Variants in SRGAP2C observed in about 807,000 individuals in gnomAD.
SRGAP2C encodes the protein SLIT-ROBO Rho GTPase-activating protein 2C.
SRGAP2C carries 15 observed loss-of-function variants against 25.1 expected under a neutral mutation model. The observed-to-expected ratio is 0.60, with a 90% confidence interval of 0.40 to 0.92. SRGAP2C has a LOEUF of 0.92. SRGAP2C is among the 40% of genes least tolerant of loss of function. The probability of loss-of-function intolerance (pLI) is 0.00; values close to 1 mark genes in which losing one functional copy is unlikely to be tolerated. For missense variants in SRGAP2C, 144 were observed against 264.4 expected, an observed-to-expected ratio of 0.54 and a Z score of 3.16; for synonymous variants, 44 against 96.6, an observed-to-expected ratio of 0.46 and a Z score of 3.19.
intron 2 of SRGAP2C, among the ~76,000 whole-genome samples, chr1:121,261,094 A>ATTTTTTTTTTTTTTTTTTTTTT (rs1211026484): frequency 1.5e-4 from 4 of 26,264 alleles, no homozygotes; most frequent in Non-Finnish European, 2.0e-4. Context: ...ACACCTGGCT[A>ATTTTTTTTTTTTTTTTTTTTTT]TTTTTTTTTT....
intron 7 of SRGAP2C, among the ~76,000 whole-genome samples, chr1:121,375,748 C>T (rs1419543372): frequency 4.6e-5 from 7 of 151,810 alleles, no homozygotes; most frequent in Middle Eastern, 6.8e-3. Context: ...TAAGGTTTCT[C>T]GGTGTTAACT....
At chr1:121,285,402 T>TCACACA (rs1452003957) in intron 3 of SRGAP2C, among the ~76,000 whole-genome samples, 3,227 of 128,234 alleles carry the variant, frequency 0.025, 41 homozygotes, top group African/African-American at 0.063. Flanking sequence ...TCTCTCTCTC[T>TCACACA]CTCACACACA....
intron 2 of SRGAP2C, among the ~76,000 whole-genome samples, chr1:121,239,218 ATATATATATAC>A (rs1656048838): frequency 7.8e-4 from 5 of 6,402 alleles, no homozygotes; most frequent in Admixed American, 3.4e-3. Flanking sequence ...ATATATATAT[ATATATATATAC>A]TATATATATA....
At chr1:121,279,342 C>G (rs1657190102) in intron 2 of SRGAP2C, among the ~76,000 whole-genome samples, 1 of 148,408 alleles carries the variant, frequency 6.7e-6, no homozygotes, top group African/African-American at 2.5e-5. Context: ...TCTCTGGATT[C>G]AAAGCAATAG....
At chr1:121,258,537 C>T (rs1553332911) in intron 2 of SRGAP2C, among the ~76,000 whole-genome samples, 2 of 150,440 alleles carry the variant, frequency 1.3e-5, no homozygotes, top group Admixed American at 6.7e-5. Flanking sequence ...ATGACCTTGG[C>T]TCACGGCAAC....
At chr1:121,256,173 AT>A (rs1218637239) in intron 2 of SRGAP2C, among the ~76,000 whole-genome samples, 1 of 143,720 alleles carries the variant, frequency 7.0e-6, no homozygotes, top group Non-Finnish European at 1.5e-5. Context: ...TTAAAAAAAA[AT>A]CTTGGTGAAC....
rs1163708332 is a variant in SRGAP2C at position 121,323,615 on chromosome 1, CAAA to C, written c.261-841_261-839del. Among the ~76,000 whole-genome samples, 21 of 28,164 alleles carry C rather than the reference CAAA, an allele frequency of 7.5e-4. No individual in the cohort carries two copies. In the East Asian group the frequency reaches 0.017, roughly 23 times the overall value. 18.5% of individuals were successfully genotyped at this position (28,164 alleles called of 152,430 possible). The stretch of plus-strand genomic sequence containing the variant: ...TGGGTGACAGAGTGAGACTTTGTCT[CAAA>C]AAAAAAAAAAAAAAAAAAAAAGGGA... On this transcript the variant is annotated intron_variant, in intron 3 of 9. Coordinates refer to ENST00000367123, the MANE Select transcript of SRGAP2C (RefSeq NM_001329984.2).
chr1:121,262,397 T>G, intron 2 of SRGAP2C, among the ~76,000 whole-genome samples: 1 of 67,558 alleles, frequency 1.5e-5, no homozygotes, highest in African/African-American at 6.7e-5. Context: ...CCTCTGGAGG[T>G]GGAGAGGGAA....
At chr1:121,201,716 T>C (rs1320866479) in intron 2 of SRGAP2C, among the ~76,000 whole-genome samples, 1 of 152,246 alleles carries the variant, frequency 6.6e-6, no homozygotes, top group African/African-American at 2.4e-5. Context: ...TTAGTGGGCA[T>C]GATGTGAAAG....
In SRGAP2C at chr1:121,347,785, G is replaced by A. The variant is rs587678765; in HGVS notation, c.424-17508G>A. Among the ~76,000 whole-genome samples the A allele has an allele frequency of 2.4e-3, 368 of 151,930 alleles. 1 individual carries two copies. Among genetic ancestry groups the A allele is most frequent in the African/African-American group, 8.4e-3 (349 of 41,460 alleles). ...GCGCCTGTGGAGAATGAATGTTCTC[G>A]TTAAATATGGCCGTGACCTGCAGCT... On this transcript the variant is annotated intron_variant, in intron 4 of 9. Transcript: ENST00000367123.
At chr1:121,322,238 A>G (rs1658226355) in intron 3 of SRGAP2C, among the ~76,000 whole-genome samples, 1 of 145,066 alleles carries the variant, frequency 6.9e-6, no homozygotes, top group Admixed American at 6.8e-5. Flanking sequence ...TACTGAGGAC[A>G]TGGGTATCTT....
Position 121,185,027 on chromosome 1 carries a change from A to T in SRGAP2C, c.-640A>T, listed in dbSNP as rs1398577910. The T allele has an allele frequency of 3.9e-6, 2 of 514,076 alleles. No individual in the cohort carries two copies. Among genetic ancestry groups the T allele is most frequent in the Admixed American group, 3.6e-5 (1 of 27,476 alleles). The allele number at this position is 514,076 out of a possible 1,614,324, so 31.8% of individuals were successfully genotyped here. ...CGGAGGCTCCTCCAGGGACTGGGGC[A>T]CCGATCTGCGTAGAAACGGGTGGCG... On this transcript the variant is annotated 5_prime_UTR_variant, in exon 1 of 10. Transcript: ENST00000367123.
chr1:121,351,177 G>T (rs1362791674), intron 4 of SRGAP2C, among the ~76,000 whole-genome samples: 1 of 151,992 alleles, frequency 6.6e-6, no homozygotes, highest in Non-Finnish European at 1.5e-5. Context: ...AGATGCTATG[G>T]AAAACTGAAA....
chr1:121,261,094 A>ATTTTTTTTTTTTTTTTTTTTTTT (rs1211026484), intron 2 of SRGAP2C, among the ~76,000 whole-genome samples: 3 of 26,264 alleles, frequency 1.1e-4, no homozygotes, highest in African/African-American at 3.1e-4. Flanking sequence ...ACACCTGGCT[A>ATTTTTTTTTTTTTTTTTTTTTTT]TTTTTTTTTT....
chr1:121,232,770 C>A (rs1456587118), intron 2 of SRGAP2C, among the ~76,000 whole-genome samples: 2 of 152,106 alleles, frequency 1.3e-5, no homozygotes, highest in Middle Eastern at 3.2e-3. Context: ...AGTAGCTACA[C>A]CACCTGGAGA....
At chr1:121,213,935 A>C (rs1200078267) in intron 2 of SRGAP2C, among the ~76,000 whole-genome samples, 7 of 143,476 alleles carry the variant, frequency 4.9e-5, no homozygotes, top group Admixed American at 3.4e-4. Context: ...TGTGCTTTTA[A>C]AAATGGGTCT....
intron 2 of SRGAP2C, among the ~76,000 whole-genome samples, chr1:121,249,572 A>AT (rs1176237997): frequency 9.1e-4 from 25 of 27,458 alleles, no homozygotes; most frequent in Non-Finnish European, 1.5e-3. Flanking sequence ...ATATATATAT[A>AT]TATATATATT....
chr1:121,384,968 G>A (rs1276022581), intron 8 of SRGAP2C, among the ~76,000 whole-genome samples: 1 of 152,106 alleles, frequency 6.6e-6, no homozygotes, highest in Non-Finnish European at 1.5e-5. Flanking sequence ...GCCAGGCAGG[G>A]GCCAGGACCA....
At chr1:121,316,172 T>G (rs1658096678) in intron 3 of SRGAP2C, among the ~76,000 whole-genome samples, 1 of 135,108 alleles carries the variant, frequency 7.4e-6, no homozygotes, top group Admixed American at 7.7e-5. Context: ...ATACCCTTTC[T>G]TCTCAGTGGC....
Sources: allele counts gnomAD v4.1 joint callset (sites outside exome capture counted in the v4.1 genomes callset), GRCh38; gene constraint gnomAD v4.1.1; transcripts MANE v1.5; gene names NCBI Gene and HGNC (gene_info 2026-07-23, HGNC 2026-07-21).